Variants in NCOR2 observed in about 807,000 individuals in gnomAD.
NCOR2 encodes CTG repeat protein 26.
A neutral mutation model predicts 262.9 loss-of-function variants in NCOR2; 81 were observed. That is an observed-to-expected ratio of 0.31 (90% CI 0.26 to 0.37). NCOR2 has a LOEUF of 0.37. Ranked by LOEUF, NCOR2 falls within the 10% of genes least tolerant of loss-of-function variation. The pLI is 1.00. For synonymous variants in NCOR2, 1,659 were observed against 1,559.3 expected, an observed-to-expected ratio of 1.06 and a Z score of -1.51; for missense variants, 3,385 against 3,621.4, an observed-to-expected ratio of 0.93 and a Z score of 1.68.
intron 41 of NCOR2, among the ~76,000 whole-genome samples, chr12:124,333,755 AGGGTGG>A (rs1204838428): frequency 6.6e-6 from 1 of 151,442 alleles, no homozygotes; most frequent in Non-Finnish European, 1.5e-5. Flanking sequence ...ACGGTTCACC[AGGGTGG>A]GGGTGGGGGC....
chr12:124,473,703 G>A (rs555193726), intron 3 of NCOR2, among the ~76,000 whole-genome samples: 6 of 152,084 alleles, frequency 3.9e-5, no homozygotes, highest in Middle Eastern at 3.4e-3. Flanking sequence ...TTTGCCCTCC[G>A]CCATGATTGT....
chr12:124,470,564 G>A (rs2046782674), intron 4 of NCOR2, among the ~76,000 whole-genome samples: 1 of 152,234 alleles, frequency 6.6e-6, no homozygotes. Context: ...CCAAAACCAT[G>A]ACACTATGTG....
At chr12:124,401,449 G>T (rs993486409) in intron 14 of NCOR2, among the ~76,000 whole-genome samples, 3 of 152,232 alleles carry the variant, frequency 2.0e-5, no homozygotes, top group Admixed American at 1.3e-4. Flanking sequence ...CTAAATGGGG[G>T]CGTGGGCTGG....
exon 24 of NCOR2, chr12:124,355,553 C>T (rs1230144910): frequency 1.3e-6 from 2 of 1,581,070 alleles, no homozygotes; most frequent in Non-Finnish European, 1.7e-6. Context: ...GTCATGGAGG[C>T]CCAGGGGCAG....
At chr12:124,423,746 C>T (rs1593472143) in intron 11 of NCOR2, among the ~76,000 whole-genome samples, 1 of 152,326 alleles carries the variant, frequency 6.6e-6, no homozygotes, top group Middle Eastern at 3.4e-3. Flanking sequence ...TTGGGAATCT[C>T]CTAGGTCCCC....
At chr12:124,544,659 G>A (rs2051485418) in intron 1 of NCOR2, among the ~76,000 whole-genome samples, 1 of 152,186 alleles carries the variant, frequency 6.6e-6, no homozygotes, top group African/African-American at 2.4e-5. Flanking sequence ...GGGTAGGTCA[G>A]GGATGCAGCC....
intron 40 of NCOR2, chr12:124,334,898 AGATGCCATCG>A (rs2035743372): frequency 1.6e-6 from 1 of 641,320 alleles, no homozygotes; most frequent in Non-Finnish European, 2.7e-6. Flanking sequence ...TTGCCCGTGA[AGATGCCATCG>A]GCTCGCATCA....
At chr12:124,409,404 C>T (rs1317611015) in intron 13 of NCOR2, among the ~76,000 whole-genome samples, 1 of 152,226 alleles carries the variant, frequency 6.6e-6, no homozygotes, top group Non-Finnish European at 1.5e-5. Context: ...CCTGGCCAGT[C>T]CCTTCTTATC....
At chr12:124,333,452 ATTT>A (rs894158367) in intron 41 of NCOR2, among the ~76,000 whole-genome samples, 173 bp from the exon 44 acceptor site, 3 of 149,742 alleles carry the variant, frequency 2.0e-5, no homozygotes, top group African/African-American at 7.4e-5. Context: ...TATCATTTTT[ATTT>A]TTTTTTTAAA....
At chr12:124,381,879 C>T (rs533923598) in intron 17 of NCOR2, among the ~76,000 whole-genome samples, 3 of 152,346 alleles carry the variant, frequency 2.0e-5, no homozygotes, top group South Asian at 2.1e-4. Context: ...AGGGAAACCT[C>T]GTAGAAGACA....
chr12:124,344,944 G>A lies in NCOR2; in HGVS notation c.4367C>T (p.Pro1456Leu), dbSNP rs865996390. Residue 1456 changes from proline (P) to leucine (L), a missense_variant, in exon 32 of 47, where the codon CCG (proline) becomes CTG (leucine). Transcript: ENST00000405201. The stretch of plus-strand genomic sequence containing the variant: ...GGACGCGCCGGTGTCGTACTTGAGC[G>A]GGGTGCCCTGGGGCAGAGGGGATGT... 1.4e-5 allele frequency: 22 copies of A among 1,541,084 alleles called. No homozygotes were observed. The Admixed American group carries it at 2.3e-4, about 16-fold the overall frequency.
intron 1 of NCOR2, among the ~76,000 whole-genome samples, chr12:124,490,987 T>C (rs994893119): frequency 1.3e-5 from 2 of 152,244 alleles, no homozygotes; most frequent in Non-Finnish European, 2.9e-5. Flanking sequence ...ATAGGGAGTC[T>C]GATAAGAGCT....
chr12:124,408,863 G>A (rs2042416861), intron 13 of NCOR2, among the ~76,000 whole-genome samples: 1 of 152,202 alleles, frequency 6.6e-6, no homozygotes, highest in Admixed American at 6.5e-5. Flanking sequence ...GTGCCGTGGA[G>A]GTGACTTCCG....
At chr12:124,561,410 A>C (rs1415161963) in intron 1 of NCOR2, among the ~76,000 whole-genome samples, 1 of 152,198 alleles carries the variant, frequency 6.6e-6, no homozygotes, top group South Asian at 2.1e-4. Context: ...GGAGGGCCAG[A>C]ATGGAAGGAG....
chr12:124,377,076 G>A (rs1307414431), intron 18 of NCOR2, among the ~76,000 whole-genome samples: 2 of 152,212 alleles, frequency 1.3e-5, no homozygotes, highest in South Asian at 2.1e-4. Flanking sequence ...CCGAGAGTGC[G>A]GGGCCAGGTG....
chr12:124,384,490 C>T (rs559463290), intron 17 of NCOR2, among the ~76,000 whole-genome samples: 2 of 152,292 alleles, frequency 1.3e-5, no homozygotes, highest in South Asian at 4.1e-4. Flanking sequence ...GGGTGGATCT[C>T]AGCCCTGACC....
At position 124,454,305 on chromosome 12, in the gene NCOR2, T is replaced by C. The variant is rs573222423; in HGVS notation, c.762+2801A>G. Among the ~76,000 whole-genome samples the C allele has an allele frequency of 6.6e-6, 1 of 152,152 alleles. No homozygotes were observed. Among genetic ancestry groups the C allele is most frequent in the South Asian group, 2.1e-4 (1 of 4,828 alleles). On this transcript the variant is annotated intron_variant, in intron 6 of 46. Transcript: ENST00000405201. This position sits in a 1 kb window ranked among gnomAD's most constrained non-coding sequence, Gnocchi z 5.6. The stretch of plus-strand genomic sequence containing the variant: ...ACTGACTGGCACCAAGCCAGGGGCC[T>C]TCAAGAGTCCAAACACTAGATCTTA...
chr12:124,374,348 C>A (rs560486669), intron 19 of NCOR2, 65 bp downstream of exon 21: 6 of 1,533,622 alleles, frequency 3.9e-6, no homozygotes, highest in Non-Finnish European at 5.4e-6. Flanking sequence ...TGTGGAGGAC[C>A]GGGGACCTTG....
chr12:124,377,650 C>T (rs2040108267), intron 18 of NCOR2, among the ~76,000 whole-genome samples: 1 of 151,950 alleles, frequency 6.6e-6, no homozygotes, highest in Admixed American at 6.5e-5. Context: ...ACCAGCCTGA[C>T]CAACATGGCG....
Sources: gnomAD v4.1 joint callset for allele counts (sites outside exome capture counted in the v4.1 genomes callset) on GRCh38, gnomAD v4.1.1 for gene constraint, Gnocchi (gnomAD v3.1) non-coding constraint, MANE v1.5 for transcripts, NCBI Gene and HGNC (gene_info 2026-07-23, HGNC 2026-07-21) for gene names.